Variants in KDM5B observed in about 807,000 individuals in gnomAD.
KDM5B encodes lysine-specific demethylase 5B.
A neutral mutation model predicts 193.4 loss-of-function variants in KDM5B; 144 were observed. The ratio of observed to expected loss-of-function variants is 0.74; its 90% CI spans 0.65 to 0.86. KDM5B has a LOEUF of 0.86. KDM5B is among the 40% of genes least tolerant of loss of function. The probability of loss-of-function intolerance (pLI) is 0.00; values close to 1 mark genes in which losing one functional copy is unlikely to be tolerated. For missense variants in KDM5B, 1,833 were observed against 1,886.9 expected, an observed-to-expected ratio of 0.97 and a Z score of 0.53; for synonymous variants, 668 against 682.6, an observed-to-expected ratio of 0.98 and a Z score of 0.33.
intron 9 of KDM5B, among the ~76,000 whole-genome samples, chr1:202,757,277 C>A (rs984694259): frequency 6.6e-6 from 1 of 152,168 alleles, no homozygotes; most frequent in Non-Finnish European, 1.5e-5. Flanking sequence ...TCCTAACAGG[C>A]CACCGACTGG....
Position 202,742,401 on chromosome 1 carries a change from G to T in KDM5B, c.2579C>A (p.Pro860Gln). The T allele has an allele frequency of 6.2e-7, 1 of 1,610,616 alleles. No homozygotes were observed. Among genetic ancestry groups the T allele is most frequent in the Non-Finnish European group, 8.5e-7 (1 of 1,176,896 alleles). Residue 860 changes from proline (P) to glutamine (Q), a missense_variant, in exon 18 of 27, where the codon CCA becomes CAA. This residue lies in a region of KDM5B where 1,379 missense variants were observed against 1,349.6 expected (regional missense o/e 1.02). Transcript: ENST00000367265. ...TCCCTCTATGGTTACCTTTAGTAAT[G>T]GTGTCTGACTGAGGACACATGGAAG... ...YALPCVLSQTPLLKDLLNRVE... is the reference protein window; with the variant it reads ...YALPCVLSQTQLLKDLLNRVE...
chr1:202,737,839 G>A (rs1376499315), intron 20 of KDM5B, among the ~76,000 whole-genome samples: 1 of 152,164 alleles, frequency 6.6e-6, no homozygotes, highest in East Asian at 1.9e-4. Flanking sequence ...GTGTTTCTGG[G>A]TTAGACAAAC....
intron 12 of KDM5B, among the ~76,000 whole-genome samples, chr1:202,751,225 C>T (rs1232821827): frequency 6.6e-6 from 1 of 152,068 alleles, no homozygotes; most frequent in Non-Finnish European, 1.5e-5. Flanking sequence ...CCACCCTCAC[C>T]CCAAAAGTAC....
chr1:202,733,363 C>T, intron 23 of KDM5B, 38 bp downstream of exon 23: 4 of 1,594,442 alleles, frequency 2.5e-6, no homozygotes, highest in Non-Finnish European at 3.4e-6. Context: ...CAGAGCTTTG[C>T]AAATTCCAAT....
rs761325884 is a variant in KDM5B, at chr1:202,733,880, T to C, written c.3430A>G (p.Thr1144Ala). The C allele has an allele frequency of 5.0e-6, 8 of 1,604,966 alleles. 1 individual carries two copies. Among genetic ancestry groups the C allele is most frequent in the South Asian group, 3.3e-5 (3 of 90,010 alleles). ...ESKETASAMA[T>A]LGEARLREME... Reference sequence around the variant, plus strand: ...TCCCTTAGGCGAGCTTCCCCAAGAGTTGCCATCTGAAAAAGAGTTAACAAT... The same window carrying C: ...TCCCTTAGGCGAGCTTCCCCAAGAGCTGCCATCTGAAAAAGAGTTAACAAT... The change falls in exon 23 of 27, where the codon ACT (threonine) becomes GCT (alanine). Residue 1144 changes from threonine to alanine, a missense_variant. By Grantham distance (58) the Thr-to-Ala change is moderately conservative. Coordinates refer to ENST00000367265, the MANE Select transcript of KDM5B (RefSeq NM_006618.5).
At chr1:202,796,222 G>T in intron 1 of KDM5B, 1 of 305,946 alleles carries the variant, frequency 3.3e-6, no homozygotes, top group Non-Finnish European at 6.5e-6. Context: ...ATGCCAAGCT[G>T]CCCTCCTCTC....
intron 1 of KDM5B, among the ~76,000 whole-genome samples, chr1:202,801,014 T>C (rs1466913509): frequency 6.6e-6 from 1 of 152,184 alleles, no homozygotes; most frequent in African/African-American, 2.4e-5. Flanking sequence ...AAATGTCACT[T>C]ATAACCTGAA....
intron 1 of KDM5B, among the ~76,000 whole-genome samples, chr1:202,803,371 C>G (rs1658153510): frequency 6.6e-6 from 1 of 152,116 alleles, no homozygotes; most frequent in East Asian, 1.9e-4. Context: ...ACATTACATT[C>G]TTAAAGTCTA....
intron 8 of KDM5B, chr1:202,759,076 C>T (rs10800863): frequency 0.61 from 93,264 of 152,098 alleles, 31,494 homozygotes; most frequent in Middle Eastern, 0.77. Context: ...TTATCCCTGT[C>T]CCATGCCTAA....
intron 1 of KDM5B, among the ~76,000 whole-genome samples, chr1:202,783,183 A>T (rs1657267176): frequency 6.6e-6 from 1 of 152,158 alleles, no homozygotes; most frequent in Non-Finnish European, 1.5e-5. Context: ...CAGGAGAATC[A>T]CTTGAACCCA....
intron 21 of KDM5B, 97 bp from the exon 22 acceptor site, chr1:202,735,684 G>A (rs1655065029): frequency 1.8e-6 from 2 of 1,139,652 alleles, no homozygotes; most frequent in Admixed American, 2.2e-5. Context: ...TAAAAAGGAT[G>A]TGCATTTCTT....
intron 1 of KDM5B, among the ~76,000 whole-genome samples, chr1:202,794,125 A>G (rs1657746795): frequency 6.6e-6 from 1 of 152,214 alleles, no homozygotes; most frequent in African/African-American, 2.4e-5. Flanking sequence ...CCACTGTCCT[A>G]TAAAGATAAC....
At chr1:202,786,113 C>T (rs1657400112) in intron 1 of KDM5B, among the ~76,000 whole-genome samples, 1 of 147,356 alleles carries the variant, frequency 6.8e-6, no homozygotes, top group Non-Finnish European at 1.5e-5. Flanking sequence ...GATCCTCCCA[C>T]CTCAGCCTCC....
rs1429626623 is a variant in KDM5B at position 202,802,518 on chromosome 1, G to A, written c.204+5584C>T. On this transcript the variant is annotated intron_variant, in intron 1 of 26. Coordinates refer to ENST00000367265, the MANE Select transcript of KDM5B (RefSeq NM_006618.5). The stretch of plus-strand genomic sequence containing the variant: ...AGCAATTCTCCTGCCTCAGCCTCCC[G>A]AGTAGCTGGGATTGCAGGCGCCTGC... 3.3e-5 allele frequency among the ~76,000 whole-genome samples: 5 copies of A among 151,976 alleles called. No individual in the cohort carries two copies. The South Asian group carries it at 8.3e-4, about 25-fold the overall frequency.
In KDM5B at chr1:202,740,778, C is replaced by T. The variant is rs765751359; in HGVS notation, c.2980G>A (p.Val994Ile). 1 of 1,612,832 alleles carries T rather than the reference C, an allele frequency of 6.2e-7. No homozygotes were observed. The highest frequency in any genetic ancestry group is 8.5e-7 in the Non-Finnish European group (1 of 1,179,900). Residue 994 changes from valine (V) to isoleucine (I), a missense_variant, in exon 20 of 27, where the codon GTA (valine) becomes ATA (isoleucine). Transcript: ENST00000367265. Reference sequence around the variant, plus strand: ...GCAGGGATCTCTTCGATTTCCTTTACTGCCGTAGCAAGGCTATTCAATGAA... The same window carrying T: ...GCAGGGATCTCTTCGATTTCCTTTATTGCCGTAGCAAGGCTATTCAATGAA... The part of the protein sequence containing the change: ...RHSLNSLATA[V>I]KEIEEIPAYL...
chr1:202,743,363 A>AAC (rs1558486915), intron 16 of KDM5B, among the ~76,000 whole-genome samples: 1 of 126,500 alleles, frequency 7.9e-6, no homozygotes, highest in African/African-American at 2.7e-5. Flanking sequence ...AAAAAAAAAA[A>AAC]ACACCTGGCA....
chr1:202,776,600 G>A (rs1263559992), intron 2 of KDM5B, among the ~76,000 whole-genome samples: 1 of 152,008 alleles, frequency 6.6e-6, no homozygotes, highest in African/African-American at 2.4e-5. Context: ...TGTCGCCCAG[G>A]CTGGAGTGCA....
chr1:202,777,876 A>G (rs879875217), intron 1 of KDM5B, among the ~76,000 whole-genome samples: 4 of 151,930 alleles, frequency 2.6e-5, no homozygotes, highest in Admixed American at 2.6e-4. Flanking sequence ...TCCAAATCCA[A>G]TTTTAAAAGT....
chr1:202,796,918 T>C (rs1370106691), intron 1 of KDM5B: 1 of 152,486 alleles, frequency 6.6e-6, no homozygotes, highest in South Asian at 2.1e-4. Context: ...CATCCCTGGA[T>C]GCGGACTCTA....
Sources: allele counts gnomAD v4.1 joint callset (sites outside exome capture counted in the v4.1 genomes callset), GRCh38; gene constraint gnomAD v4.1.1; regional missense constraint gnomAD v4.1.1; transcripts MANE v1.5; gene names NCBI Gene and HGNC (gene_info 2026-07-23, HGNC 2026-07-21).